GON4L: variants seen among roughly 807,000 people sequenced by gnomAD.
GON4L encodes GON-4-like protein.
Under a neutral mutation model 211.8 loss-of-function variants are expected in GON4L, and 87 were observed. The ratio of observed to expected loss-of-function variants is 0.41; its 90% CI spans 0.35 to 0.49. GON4L has a LOEUF of 0.49. Ranked by LOEUF, GON4L falls within the 20% of genes least tolerant of loss-of-function variation. The probability of loss-of-function intolerance (pLI) is 0.15; values close to 1 mark genes in which losing one functional copy is unlikely to be tolerated. For synonymous variants in GON4L, 875 were observed against 962.6 expected (o/e 0.91, Z 1.68); for missense variants, 2,155 against 2,659.5 (o/e 0.81, Z 4.17).
intron 2 of GON4L, among the ~76,000 whole-genome samples, chr1:155,852,603 C>T (rs1671898766): frequency 6.6e-6 from 1 of 151,918 alleles, no homozygotes. Context: ...ATTGGCCGGG[C>T]ATGGTGGTGG....
intron 2 of GON4L, among the ~76,000 whole-genome samples, chr1:155,848,958 G>A (rs557134905): frequency 2.7e-5 from 4 of 148,546 alleles, no homozygotes; most frequent in Admixed American, 1.4e-4. Context: ...GACCAGGCTG[G>A]CCAACCTGAT....
intron 10 of GON4L, among the ~76,000 whole-genome samples, chr1:155,807,482 G>A (rs1040658866): frequency 7.9e-5 from 12 of 151,982 alleles, no homozygotes; most frequent in Admixed American, 2.6e-4. Flanking sequence ...CAAGGTGGGC[G>A]GATCACGAGG....
chr1:155,760,327 G>A (rs1017847869), intron 24 of GON4L, 117 bp downstream of exon 24: 10 of 639,914 alleles, frequency 1.6e-5, no homozygotes, highest in Admixed American at 5.7e-5. Context: ...TGGGCTAGGG[G>A]ATGGCTGTGT....
downstream of GON4L, chr1:155,745,780 G>A: frequency 4.0e-6 from 3 of 750,826 alleles, no homozygotes; most frequent in Non-Finnish European, 6.5e-6. Context: ...TCGGCTAGGA[G>A]CAGCGAGCGG....
intron 10 of GON4L, among the ~76,000 whole-genome samples, chr1:155,809,227 T>C (rs1482742905): frequency 6.6e-6 from 1 of 152,124 alleles, no homozygotes; most frequent in Non-Finnish European, 1.5e-5. Context: ...TATCTAAAGT[T>C]CTCTGACAGG....
downstream of GON4L, chr1:155,747,078 T>C (rs983592302): frequency 2.7e-4 from 439 of 1,606,248 alleles, 10 homozygotes; most frequent in South Asian, 4.5e-4. Flanking sequence ...GAAGCAACCT[T>C]TGCCTCTAAA....
At chr1:155,857,643 C>A (rs1672399369), upstream of GON4L, among the ~76,000 whole-genome samples, 1 of 152,014 alleles carries the variant, frequency 6.6e-6, no homozygotes, top group African/African-American at 2.4e-5. Flanking sequence ...GCAGGAGAAT[C>A]GCTTGAACCC....
At chr1:155,780,605 TA>T (rs200414789) in intron 14 of GON4L, among the ~76,000 whole-genome samples, 4,513 of 151,540 alleles carry the variant, frequency 0.03, 96 homozygotes, top group Non-Finnish European at 0.046. Flanking sequence ...AAAAATAAAA[TA>T]AAATAAATAA....
chr1:155,835,710 C>T (rs538455236), intron 2 of GON4L, among the ~76,000 whole-genome samples: 1 of 152,210 alleles, frequency 6.6e-6, no homozygotes, highest in East Asian at 1.9e-4. Context: ...GCCAGCAATC[C>T]GCAGGTCTGC....
In GON4L at chr1:155,750,094, G is replaced by C; in HGVS notation, c.*490C>G. 1.1e-6 allele frequency: 1 copy of C among 884,238 alleles called. No individual in the cohort carries two copies. The allele number at this position is 884,238 out of a possible 1,614,324, so 54.8% of individuals were successfully genotyped here. On this transcript the variant is annotated 3_prime_UTR_variant, in exon 32 of 32. Transcript: ENST00000368331. ...GCAGAGCTGCTGCAGGAGCTACAAA[G>C]CCTGGCCCAGTGCTACCAGGGTGGT...
intron 18 of GON4L, 118 bp from the exon 19 acceptor site, chr1:155,771,335 G>A (rs1434406205): frequency 5.8e-6 from 8 of 1,384,404 alleles, no homozygotes; most frequent in Non-Finnish European, 7.0e-6. Flanking sequence ...AAGGTCTCAC[G>A]CTGTCACCCA....
chr1:155,814,269 C>G, intron 9 of GON4L, 61 bp downstream of exon 9: 1 of 1,456,390 alleles, frequency 6.9e-7, no homozygotes, highest in South Asian at 1.1e-5. Context: ...TCTACTTATA[C>G]AGTTAAAAAA....
At chr1:155,789,754 C>A (rs2101947646) in intron 12 of GON4L, among the ~76,000 whole-genome samples, 1 of 152,012 alleles carries the variant, frequency 6.6e-6, no homozygotes, top group South Asian at 2.1e-4. Context: ...GAGGTTGGTT[C>A]CAGGAGCCAA....
chr1:155,746,889 G>C (rs745798554), downstream of GON4L: 4 of 1,596,344 alleles, frequency 2.5e-6, no homozygotes, highest in Non-Finnish European at 3.4e-6. Flanking sequence ...CCTCTGTCCT[G>C]AACTTTTTAA....
chr1:155,814,910 C>T (rs892126496), intron 8 of GON4L, among the ~76,000 whole-genome samples: 1 of 150,828 alleles, frequency 6.6e-6, no homozygotes, highest in Non-Finnish European at 1.5e-5. Context: ...GTCAGAAGTC[C>T]GAGACCAGCC....
chr1:155,759,261 C>G (rs1661511472), intron 24 of GON4L, among the ~76,000 whole-genome samples: 1 of 152,052 alleles, frequency 6.6e-6, no homozygotes, highest in South Asian at 2.1e-4. Flanking sequence ...CCATACCTGG[C>G]TGACATTATC....
chr1:155,853,250 T>A, intron 2 of GON4L, 26 bp downstream of exon 2: 1 of 1,595,478 alleles, frequency 6.3e-7, no homozygotes, highest in Non-Finnish European at 8.6e-7. Flanking sequence ...GACAAGAATG[T>A]AACCTAGAGA....
intron 14 of GON4L, among the ~76,000 whole-genome samples, chr1:155,778,294 C>G (rs1312257491): frequency 1.3e-5 from 2 of 152,124 alleles, no homozygotes; most frequent in African/African-American, 4.8e-5. Flanking sequence ...CTCTGTCGCC[C>G]AGGCTGGAGT....
At chr1:155,747,962 T>A, downstream of GON4L, 1 of 1,574,176 alleles carries the variant, frequency 6.4e-7, no homozygotes, top group East Asian at 2.2e-5. Flanking sequence ...GCAAACTGGT[T>A]TTTTTCTTTA....
Sources: allele counts gnomAD v4.1 joint callset (sites outside exome capture counted in the v4.1 genomes callset), GRCh38; gene constraint gnomAD v4.1.1; transcripts MANE v1.5; gene names NCBI Gene and HGNC (gene_info 2026-07-23, HGNC 2026-07-21).